The following AFAP1L2 variants were observed in gnomAD, a reference collection of about 807,000 sequenced individuals.
AFAP1L2 encodes the protein actin filament-associated protein 1-like 2.
Under a neutral mutation model 99.3 loss-of-function variants are expected in AFAP1L2, and 46 were observed. That is an observed-to-expected ratio of 0.46 (90% confidence interval 0.37 to 0.59). The LOEUF (loss-of-function observed/expected upper bound fraction) is 0.59, where lower values mean the gene tolerates loss of function less well. AFAP1L2 is among the 20% of genes least tolerant of loss of function. The pLI is 0.00. For missense variants in AFAP1L2, 959 were observed against 1,034.9 expected (o/e 0.93, Z 1.01); for synonymous variants, 397 against 419.1 (o/e 0.95, Z 0.64).
At chr10:114,289,262 T>G in the AFAP1L2 span, 1 of 1,614,096 alleles carries the variant, frequency 6.2e-7, no homozygotes, top group South Asian at 1.1e-5. Context: ...CGGCCTGGTG[T>G]CCCCAAAGCT....
the AFAP1L2 span, chr10:114,289,511 C>T: frequency 3.7e-6 from 6 of 1,612,462 alleles, no homozygotes; most frequent in African/African-American, 8.0e-5. Flanking sequence ...AATCCACACC[C>T]TCAGGGCTGC....
chr10:114,332,188 C>T (rs2047342320), intron 3 of AFAP1L2, among the ~76,000 whole-genome samples: 1 of 152,222 alleles, frequency 6.6e-6, no homozygotes, highest in South Asian at 2.1e-4. Flanking sequence ...AGCAGAGAAG[C>T]TGCCTGGTGG....
Position 114,300,687 on chromosome 10 carries a change from C to T in AFAP1L2, c.1546G>A (p.Glu516Lys). Reference protein sequence around the residue: ...VDLSELTAAVEPTEEATPVAD... With the variant: ...VDLSELTAAVKPTEEATPVAD... ...ACAGGGGTGGCTTCCTCGGTAGGCT[C>T]CACCTGCAGGAGAGAGTGAGTCTGG... Residue 516 changes from glutamate (E) to lysine (K), a missense_variant, in exon 14 of 19, where the codon GAG becomes AAG. By Grantham distance (56) the Glu-to-Lys change is moderately conservative. Around this residue, in one of 2 missense-constraint regions of AFAP1L2, gnomAD observed 576 missense variants for 562.1 expected, o/e 1.02. Coordinates refer to ENST00000304129, the MANE Select transcript of AFAP1L2 (RefSeq NM_001001936.3). 1.3e-6 allele frequency: 2 copies of T among 1,586,516 alleles called. No individual in the cohort carries two copies. The highest frequency in any genetic ancestry group is 1.7e-6 in the Non-Finnish European group (2 of 1,165,182).
the AFAP1L2 span, chr10:114,286,412 A>C: frequency 3.8e-5 from 62 of 1,613,944 alleles, no homozygotes; most frequent in Middle Eastern, 1.6e-4. Flanking sequence ...GGAGGAGATC[A>C]CAGGCAGCCC....
intron 4 of AFAP1L2, among the ~76,000 whole-genome samples, chr10:114,331,181 A>G (rs1303973147): frequency 6.6e-6 from 1 of 152,114 alleles, no homozygotes; most frequent in Non-Finnish European, 1.5e-5. Context: ...AATAAGAACT[A>G]CTGGTAAGGT....
chr10:114,337,570 C>T (rs1441708113), intron 2 of AFAP1L2, among the ~76,000 whole-genome samples: 1 of 152,166 alleles, frequency 6.6e-6, no homozygotes, highest in African/African-American at 2.4e-5. Flanking sequence ...TCAGCAGCTT[C>T]CCACCCCCTA....
At chr10:114,389,638 GCTATGAAAAGCCAGCC>G (rs1240012094) in intron 1 of AFAP1L2, among the ~76,000 whole-genome samples, 1 of 152,188 alleles carries the variant, frequency 6.6e-6, no homozygotes, top group East Asian at 1.9e-4. Flanking sequence ...AAAATACACA[GCTATGAAAAGCCAGCC>G]CTACCACCCC....
At chr10:114,372,177 G>A (rs2054206022) in intron 1 of AFAP1L2, among the ~76,000 whole-genome samples, 1 of 152,196 alleles carries the variant, frequency 6.6e-6, no homozygotes, top group Admixed American at 6.5e-5. Context: ...AGAATCTCAG[G>A]ATAGCTGGAG....
At chr10:114,374,390 A>G (rs922398389) in intron 1 of AFAP1L2, among the ~76,000 whole-genome samples, 24 of 152,196 alleles carry the variant, frequency 1.6e-4, no homozygotes, top group African/African-American at 5.5e-4. Context: ...CAGGGGCAAC[A>G]GGACTGACAA....
At chr10:114,303,146 T>C (rs977332924) in intron 11 of AFAP1L2, among the ~76,000 whole-genome samples, 8 of 152,232 alleles carry the variant, frequency 5.3e-5, no homozygotes, top group African/African-American at 1.4e-4. Context: ...ACCTTTATAA[T>C]GAGAAAAAAC....
At chr10:114,396,131 T>A (rs549337958) in intron 1 of AFAP1L2, among the ~76,000 whole-genome samples, 7 of 152,124 alleles carry the variant, frequency 4.6e-5, no homozygotes, top group Non-Finnish European at 2.9e-5. Context: ...TTCTCCTGTA[T>A]AATTCATGGT....
At chr10:114,307,999 C>T (rs2042678836) in intron 9 of AFAP1L2, 90 bp from the exon 10 acceptor site, 2 of 1,054,776 alleles carry the variant, frequency 1.9e-6, no homozygotes, top group Non-Finnish European at 2.9e-6. Context: ...CCCATTTCCA[C>T]TCCATCCACC....
intron 1 of AFAP1L2, among the ~76,000 whole-genome samples, chr10:114,397,337 AATC>A (rs1460228906): frequency 6.6e-6 from 1 of 152,220 alleles, no homozygotes; most frequent in African/African-American, 2.4e-5. Context: ...ATATAAATAG[AATC>A]ATTCAGTGTG....
intron 1 of AFAP1L2, chr10:114,362,943 C>G: frequency 1.0e-6 from 1 of 985,102 alleles, no homozygotes; most frequent in South Asian, 4.7e-5. Context: ...ATGAATAACA[C>G]TCACGAAAAG....
chr10:114,363,169 G>A (rs2052689959), intron 1 of AFAP1L2: 1 of 985,318 alleles, frequency 1.0e-6, no homozygotes, highest in Non-Finnish European at 1.2e-6. Flanking sequence ...GGGGAAACGG[G>A]TTCCTGGGAA....
In AFAP1L2 at chr10:114,331,910, A is replaced by G; in HGVS notation, c.221-13T>C. On this transcript the variant is annotated splice_polypyrimidine_tract_variant and intron_variant, in intron 3 of 18. Coordinates refer to ENST00000304129, the MANE Select transcript of AFAP1L2 (RefSeq NM_001001936.3). Reference sequence around the variant, plus strand: ...TGCTCCTCAGGCGCTGCGGGCAGCAAAAGGAAAAGGCTTCGGTGAGGGGTG... The same window carrying G: ...TGCTCCTCAGGCGCTGCGGGCAGCAGAAGGAAAAGGCTTCGGTGAGGGGTG... 3 of 1,290,366 alleles carry G rather than the reference A, an allele frequency of 2.3e-6. No individual in the cohort carries two copies. The highest frequency in any genetic ancestry group is 2.0e-6 in the Non-Finnish European group (2 of 1,009,844). The allele number at this position is 1,290,366 out of a possible 1,614,324, so 79.9% of individuals were successfully genotyped here.
chr10:114,398,764 G>A (rs1321166199), intron 1 of AFAP1L2: 1 of 1,216,396 alleles, frequency 8.2e-7, no homozygotes, highest in East Asian at 5.7e-5. Flanking sequence ...CATCCACCCA[G>A]AGCATGGGCA....
Position 114,315,553 on chromosome 10 carries a change from G to T in AFAP1L2, c.612+7C>A. 6.2e-7 allele frequency: 1 copy of T among 1,613,848 alleles called. No individual in the cohort carries two copies. The highest frequency in any genetic ancestry group is 1.1e-5 in the South Asian group (1 of 91,046). On this transcript the variant is annotated splice_region_variant and intron_variant, in intron 6 of 18. Transcript: ENST00000304129. Reference sequence around the variant, plus strand: ...TCGGGGGACAAGACGACGTAAGGCAGACTGACCAGAAGCCTGTTGTCCTTG... The same window carrying T: ...TCGGGGGACAAGACGACGTAAGGCATACTGACCAGAAGCCTGTTGTCCTTG...
intron 2 of AFAP1L2, among the ~76,000 whole-genome samples, chr10:114,338,675 C>T (rs1443894058): frequency 6.6e-6 from 1 of 152,220 alleles, no homozygotes; most frequent in Admixed American, 6.5e-5. Context: ...ATACAGTACA[C>T]ATCGTATGAA....
Sources: gnomAD v4.1 joint callset for allele counts (sites outside exome capture counted in the v4.1 genomes callset) on GRCh38, gnomAD v4.1.1 for gene constraint, gnomAD v4.1.1 regional missense constraint, MANE v1.5 for transcripts, NCBI Gene and HGNC (gene_info 2026-07-23, HGNC 2026-07-21) for gene names.